The following OXSR1 variants were observed in gnomAD, a reference collection of about 807,000 sequenced individuals.
OXSR1 encodes oxidative stress responsive kinase 1.
OXSR1 carries 24 observed loss-of-function variants against 79.8 expected under a neutral mutation model. That is an observed-to-expected ratio of 0.30 (90% CI 0.22 to 0.42). The LOEUF (loss-of-function observed/expected upper bound fraction) is 0.42. Ranked by LOEUF, OXSR1 falls within the 10% of genes least tolerant of loss-of-function variation. The pLI is 1.00. For synonymous variants in OXSR1, 226 were observed against 209.2 expected (o/e 1.08, Z -0.69); for missense variants, 430 against 618.4 (o/e 0.70, Z 3.23).
intron 12 of OXSR1, among the ~76,000 whole-genome samples, chr3:38,244,666 T>TGTGCGC (rs748851263): frequency 5.7e-4 from 82 of 144,060 alleles, no homozygotes; most frequent in Admixed American, 1.2e-3. Flanking sequence ...TGTGTGTGTG[T>TGTGCGC]GCGTGCGCAT....
intron 1 of OXSR1, among the ~76,000 whole-genome samples, chr3:38,179,615 C>T (rs1701743309): frequency 6.6e-6 from 1 of 152,088 alleles, no homozygotes; most frequent in African/African-American, 2.4e-5. Context: ...ACAATTGTCC[C>T]TCAGTATATG....
In OXSR1 at chr3:38,211,867, C is replaced by G. The variant is rs573518676; in HGVS notation, c.435-4229C>G. On this transcript the variant is annotated intron_variant, in intron 4 of 17. Coordinates refer to ENST00000311806, the MANE Select transcript of OXSR1 (RefSeq NM_005109.3). ...ATTTTCCCCCTAATTTATCCAGCAT[C>G]TCTTTGTGTTTGTAGCAAGGGAAGG... 1.8e-3 allele frequency among the ~76,000 whole-genome samples: 272 copies of G among 152,266 alleles called. 1 individual carries two copies. The highest frequency in any genetic ancestry group is 3.5e-3 in the Admixed American group (53 of 15,296).
In OXSR1 at chr3:38,246,289, A is replaced by G. The variant is rs542761634; in HGVS notation, c.1257+68A>G. The G allele has an allele frequency of 2.8e-6, 4 of 1,434,816 alleles. No homozygotes were observed. The East Asian group carries it at 9.2e-5, about 33-fold the overall frequency. The allele number at this position is 1,434,816 out of a possible 1,614,324, so 88.9% of individuals were successfully genotyped here. ...ATGAAAAGAGCAGATATTAACGTGG[A>G]ATATAACCTAATGTAATCAGGTTAA... On this transcript the variant is annotated intron_variant, in intron 13 of 17. Transcript: ENST00000311806.
intron 14 of OXSR1, among the ~76,000 whole-genome samples, chr3:38,249,748 G>A (rs1482500707): frequency 1.3e-5 from 2 of 152,148 alleles, no homozygotes; most frequent in South Asian, 2.1e-4. Flanking sequence ...ATATTGATCA[G>A]TAAGGGACAT....
At chr3:38,248,691 A>G (rs1703194527) in intron 14 of OXSR1, among the ~76,000 whole-genome samples, 1 of 152,188 alleles carries the variant, frequency 6.6e-6, no homozygotes. Flanking sequence ...CATTTATGCC[A>G]TAAATGTGAA....
At chr3:38,164,714 C>T (rs1166575991), upstream of OXSR1, among the ~76,000 whole-genome samples, 2 of 152,084 alleles carry the variant, frequency 1.3e-5, no homozygotes, top group East Asian at 3.9e-4. Context: ...AAGCCCTGTC[C>T]GGGGGGAAGA....
intron 3 of OXSR1, among the ~76,000 whole-genome samples, chr3:38,197,259 A>G (rs908304560): frequency 6.6e-6 from 1 of 152,206 alleles, no homozygotes; most frequent in African/African-American, 2.4e-5. Context: ...TCTTTGGTTC[A>G]CTCTTCAGAG....
chr3:38,238,341 C>T (rs1476473073), intron 11 of OXSR1, among the ~76,000 whole-genome samples: 2 of 151,996 alleles, frequency 1.3e-5, no homozygotes, highest in African/African-American at 2.4e-5. Context: ...TAGGAAATCT[C>T]ATAATATTGA....
At chr3:38,241,034 T>C (rs1330929010) in intron 11 of OXSR1, among the ~76,000 whole-genome samples, 3 of 152,094 alleles carry the variant, frequency 2.0e-5, no homozygotes, top group Admixed American at 2.0e-4. Context: ...GAAGTTTTGA[T>C]AAGCAGGATA....
Position 38,254,490 on chromosome 3 carries a change from C to G in OXSR1, c.*1599C>G. The G allele has an allele frequency of 2.7e-6, 1 of 369,308 alleles. No homozygotes were observed. The highest frequency in any genetic ancestry group is 4.8e-6 in the Non-Finnish European group (1 of 207,734). 22.9% of individuals were successfully genotyped at this position (369,308 alleles called of 1,614,324 possible). A position where few individuals can be genotyped will look rare whatever the true frequency, so the allele number is the denominator to read the frequency against. ...GAGAGTAGGTGAGATGATCAGACACCGGAGTTCAACGTCCCAGCAGTCTTG... is the reference window on the plus strand; with the variant it reads ...GAGAGTAGGTGAGATGATCAGACACGGGAGTTCAACGTCCCAGCAGTCTTG... On this transcript the variant is annotated 3_prime_UTR_variant, in exon 18 of 18. Coordinates refer to ENST00000311806, the MANE Select transcript of OXSR1 (RefSeq NM_005109.3).
intron 4 of OXSR1, among the ~76,000 whole-genome samples, chr3:38,208,859 G>A (rs926088874): frequency 2.0e-5 from 3 of 152,080 alleles, no homozygotes; most frequent in Admixed American, 6.5e-5. Flanking sequence ...CTGAGATTGC[G>A]TCACTGCACT....
chr3:38,247,840 A>C (rs923546106), intron 14 of OXSR1, 108 bp downstream of exon 14: 8 of 645,260 alleles, frequency 1.2e-5, no homozygotes, highest in African/African-American at 1.1e-4. Flanking sequence ...GTCCTCCAGC[A>C]TCAAGCTCTG....
Position 38,230,404 on chromosome 3 carries a change from C to A in OXSR1, c.925C>A (p.Pro309Thr). The A allele has an allele frequency of 1.2e-6, 2 of 1,602,564 alleles. No homozygotes were observed. Among genetic ancestry groups the A allele is most frequent in the Non-Finnish European group, 1.7e-6 (2 of 1,170,852 alleles). Reference sequence around the variant, plus strand: ...TCAAGAAAAAACATTGCAGAGAGCACCAACCATTTCTGAAAGAGCAAAAAA... The same window carrying A: ...TCAAGAAAAAACATTGCAGAGAGCAACAACCATTTCTGAAAGAGCAAAAAA... ...FLQEKTLQRA[P>T]TISERAKKVR... The change falls in exon 10 of 18, where the codon CCA (proline) becomes ACA (threonine). Residue 309 changes from proline (P) to threonine (T), a missense_variant. By Grantham distance (38) the Pro-to-Thr change is conservative. Around this residue, in one of 3 missense-constraint regions of OXSR1, gnomAD observed 276 missense variants for 354.2 expected, o/e 0.78. Coordinates refer to ENST00000311806, the MANE Select transcript of OXSR1 (RefSeq NM_005109.3).
rs1485327340 is a variant in OXSR1, at chr3:38,230,399, G to A, written c.920G>A (p.Arg307Lys). 1 of 1,602,674 alleles carries A rather than the reference G, an allele frequency of 6.2e-7. No homozygotes were observed. The highest frequency in any genetic ancestry group is 8.5e-7 in the Non-Finnish European group (1 of 1,171,012). The change falls in exon 10 of 18, where the codon AGA becomes AAA. Residue 307 changes from arginine (R) to lysine (K), a missense_variant. Coordinates refer to ENST00000311806, the MANE Select transcript of OXSR1 (RefSeq NM_005109.3). ...TTTCTTCAAGAAAAAACATTGCAGA[G>A]AGCACCAACCATTTCTGAAAGAGCA... ...KEFLQEKTLQ[R>K]APTISERAKK... is the part of the protein sequence containing the mutation.
intron 4 of OXSR1, among the ~76,000 whole-genome samples, chr3:38,213,246 T>G (rs573772420): frequency 6.6e-6 from 1 of 152,314 alleles, no homozygotes; most frequent in South Asian, 2.1e-4. Context: ...TGATAGTATG[T>G]CTTTCCTGTG....
At chr3:38,189,066 T>A (rs1701937027) in intron 2 of OXSR1, among the ~76,000 whole-genome samples, 1 of 152,212 alleles carries the variant, frequency 6.6e-6, no homozygotes, top group Non-Finnish European at 1.5e-5. Context: ...ATTGGATGTC[T>A]TAGGTATGTC....
rs150163532 is a variant in OXSR1, at chr3:38,215,006, A to G, written c.435-1090A>G. ...TTCAAGGGCTACCTTTCTTTTGCTT[A>G]TTTGATTATATTTACTTTTAATTAC... On this transcript the variant is annotated intron_variant, in intron 4 of 17. Coordinates refer to ENST00000311806, the MANE Select transcript of OXSR1 (RefSeq NM_005109.3). Among the ~76,000 whole-genome samples, 731 of 152,180 alleles carry G rather than the reference A, an allele frequency of 4.8e-3. 20 individuals carry two copies. Among genetic ancestry groups the G allele is most frequent in the Admixed American group, 0.043 (664 of 15,280 alleles).
chr3:38,227,208 A>G (rs996428979), intron 8 of OXSR1, among the ~76,000 whole-genome samples: 1 of 152,218 alleles, frequency 6.6e-6, no homozygotes, highest in Non-Finnish European at 1.5e-5. Context: ...TTTACTCATC[A>G]AGTACCAGGC....
At chr3:38,166,270 C>G (rs764591195) in intron 1 of OXSR1, among the ~76,000 whole-genome samples, 9 of 152,056 alleles carry the variant, frequency 5.9e-5, no homozygotes, top group Non-Finnish European at 1.3e-4. Context: ...TGGGACAGGC[C>G]TTTCCGAGGC....
Sources: gnomAD v4.1 joint callset for allele counts (sites outside exome capture counted in the v4.1 genomes callset) on GRCh38, gnomAD v4.1.1 for gene constraint, gnomAD v4.1.1 regional missense constraint, MANE v1.5 for transcripts, NCBI Gene and HGNC (gene_info 2026-07-23, HGNC 2026-07-21) for gene names.